The following PTPRD variants were observed in gnomAD, a reference collection of about 807,000 sequenced individuals.
The protein encoded by PTPRD is receptor-type tyrosine-protein phosphatase delta.
PTPRD carries 34 observed loss-of-function variants against 214.5 expected under a neutral mutation model. The ratio of observed to expected loss-of-function variants is 0.16; its 90% CI spans 0.12 to 0.21. PTPRD has a LOEUF of 0.21. Ranked by LOEUF, PTPRD falls within the 10% of genes least tolerant of loss-of-function variation. The pLI is 1.00. For missense variants in PTPRD, 2,545 were observed against 2,398.7 expected, an observed-to-expected ratio of 1.06 and a Z score of -1.27; for synonymous variants, 1,128 against 845.7, an observed-to-expected ratio of 1.33 and a Z score of -5.79.
chr9:8,874,297 A>G (rs944737339), intron 11 of PTPRD, among the ~76,000 whole-genome samples: 2 of 152,176 alleles, frequency 1.3e-5, no homozygotes, highest in African/African-American at 4.8e-5. Context: ...TCAAACCAAG[A>G]TAGACCAGGA....
intron 3 of PTPRD, among the ~76,000 whole-genome samples, chr9:10,217,625 C>T (rs1374158467): frequency 6.6e-6 from 1 of 151,766 alleles, no homozygotes; most frequent in Non-Finnish European, 1.5e-5. Flanking sequence ...CTTCTCTGTC[C>T]AAGAGGAAAA....
chr9:8,696,253 T>C (rs896082693), intron 12 of PTPRD, among the ~76,000 whole-genome samples: 18 of 152,076 alleles, frequency 1.2e-4, no homozygotes, highest in Admixed American at 3.9e-4. Context: ...TCCAACAGAT[T>C]TTCTGTGGCA....
chr9:9,442,940 C>A, intron 8 of PTPRD, among the ~76,000 whole-genome samples: 1 of 152,076 alleles, frequency 6.6e-6, no homozygotes, highest in Admixed American at 6.6e-5. Context: ...TGTATGTTTA[C>A]ATATGTTTAT....
chr9:10,227,639 G>A (rs140726239), intron 3 of PTPRD, among the ~76,000 whole-genome samples: 2 of 151,904 alleles, frequency 1.3e-5, no homozygotes, highest in Admixed American at 6.6e-5. Context: ...AAGTGATGCT[G>A]TAATTGTTTA....
intron 2 of PTPRD, among the ~76,000 whole-genome samples, chr9:10,464,927 C>T (rs1006122718): frequency 5.9e-5 from 9 of 152,018 alleles, no homozygotes; most frequent in East Asian, 1.9e-4. Flanking sequence ...ACTAACATTA[C>T]AATCAATGAC....
chr9:10,187,350 A>C (rs1303966599), intron 3 of PTPRD, among the ~76,000 whole-genome samples: 1 of 152,200 alleles, frequency 6.6e-6, no homozygotes, highest in African/African-American at 2.4e-5. Flanking sequence ...TATCATCTAC[A>C]TTGCCTAGAT....
chr9:8,542,922 A>G (rs955136395), intron 14 of PTPRD, among the ~76,000 whole-genome samples: 19 of 152,194 alleles, frequency 1.2e-4, no homozygotes, highest in Admixed American at 1.2e-3. Context: ...AATTCCTGCA[A>G]TTTGAAGACA....
chr9:9,785,765 C>T (rs1159519837), intron 5 of PTPRD, among the ~76,000 whole-genome samples: 3 of 152,002 alleles, frequency 2.0e-5, no homozygotes, highest in Non-Finnish European at 4.4e-5. Flanking sequence ...GTTAATTATA[C>T]AATTGTACAA....
At chr9:8,789,917 A>G (rs1008126041) in intron 11 of PTPRD, among the ~76,000 whole-genome samples, 3 of 152,228 alleles carry the variant, frequency 2.0e-5, no homozygotes, top group African/African-American at 7.2e-5. Context: ...CAAGACACAA[A>G]AAGAACCATA....
chr9:9,422,441 A>G (rs2079155436), intron 8 of PTPRD, among the ~76,000 whole-genome samples: 1 of 152,168 alleles, frequency 6.6e-6, no homozygotes, highest in African/African-American at 2.4e-5. Flanking sequence ...AATCTTTATT[A>G]AAATACACAC....
intron 5 of PTPRD, among the ~76,000 whole-genome samples, chr9:9,818,509 G>T (rs992684469): frequency 4.6e-5 from 7 of 152,134 alleles, no homozygotes; most frequent in Admixed American, 6.6e-5. Flanking sequence ...TAATATATAA[G>T]TAGAAATGTA....
At chr9:10,304,448 A>G (rs1457955885) in intron 3 of PTPRD, among the ~76,000 whole-genome samples, 1 of 152,156 alleles carries the variant, frequency 6.6e-6, no homozygotes, top group Non-Finnish European at 1.5e-5. Context: ...ACAGTATTCA[A>G]ATGGGAAGAG....
chr9:10,128,131 C>A (rs1370631597), intron 3 of PTPRD, among the ~76,000 whole-genome samples: 4 of 152,106 alleles, frequency 2.6e-5, no homozygotes, highest in Non-Finnish European at 5.9e-5. Context: ...TTCCAATGTT[C>A]TGTATCACTT....
At chr9:9,931,242 A>T (rs923892961) in intron 5 of PTPRD, among the ~76,000 whole-genome samples, 2 of 152,194 alleles carry the variant, frequency 1.3e-5, no homozygotes, top group African/African-American at 2.4e-5. Flanking sequence ...CCGAATAGGA[A>T]CAGCTCCGGT....
chr9:8,848,227 C>T (rs1356981788), intron 11 of PTPRD, among the ~76,000 whole-genome samples: 1 of 151,168 alleles, frequency 6.6e-6, no homozygotes, highest in Non-Finnish European at 1.5e-5. Context: ...TTTTCAATGC[C>T]TCCAGTCCCA....
At chr9:8,540,013 C>G (rs973481040) in intron 14 of PTPRD, among the ~76,000 whole-genome samples, 1 of 152,014 alleles carries the variant, frequency 6.6e-6, no homozygotes, top group Non-Finnish European at 1.5e-5. Context: ...TAGGAGAATG[C>G]CTTGTTTGTA....
chr9:8,683,052 T>G (rs1228005471), intron 12 of PTPRD, among the ~76,000 whole-genome samples: 3 of 152,306 alleles, frequency 2.0e-5, no homozygotes, highest in South Asian at 4.1e-4. Context: ...AATCACTGCC[T>G]TAATAGGTCC....
chr9:9,920,110 C>G (rs796295018), intron 5 of PTPRD, among the ~76,000 whole-genome samples: 8 of 152,114 alleles, frequency 5.3e-5, no homozygotes, highest in African/African-American at 1.7e-4. Context: ...ACATTTAAAT[C>G]AGTGACAAAA....
chr9:9,050,942 C>A (rs1590581458), intron 10 of PTPRD, among the ~76,000 whole-genome samples: 1 of 152,062 alleles, frequency 6.6e-6, no homozygotes, highest in East Asian at 1.9e-4. Flanking sequence ...CCACTGGGGT[C>A]TTGGAAAGTA....
Sources: allele counts gnomAD v4.1 joint callset (sites outside exome capture counted in the v4.1 genomes callset), GRCh38; gene constraint gnomAD v4.1.1; transcripts MANE v1.5; gene names NCBI Gene and HGNC (gene_info 2026-07-23, HGNC 2026-07-21).